The following NDC80 variants were observed in gnomAD, a reference collection of about 807,000 sequenced individuals.
NDC80 encodes NDC80 kinetochore complex component, also known as kinetochore protein NDC80 homolog.
Under a neutral mutation model 89.3 loss-of-function variants are expected in NDC80, and 69 were observed. The ratio of observed to expected loss-of-function variants is 0.77; its 90% CI spans 0.64 to 0.94. The LOEUF (loss-of-function observed/expected upper bound fraction) is 0.94, where lower values mean the gene tolerates loss of function less well. Among genes scored for constraint, NDC80 ranks in the 40% least tolerant of loss-of-function variants. The pLI is 0.00. For synonymous variants in NDC80, 243 were observed against 255.6 expected, an observed-to-expected ratio of 0.95 and a Z score of 0.47; for missense variants, 593 against 739.6, an observed-to-expected ratio of 0.80 and a Z score of 2.30.
At chr18:2,575,280 A>G (rs1428199195) in intron 3 of NDC80, among the ~76,000 whole-genome samples, 2 of 152,214 alleles carry the variant, frequency 1.3e-5, no homozygotes, top group Non-Finnish European at 2.9e-5. Context: ...TTACAAGTAA[A>G]TAGTTGATTG....
At chr18:2,573,545 C>G (rs1369538600) in intron 2 of NDC80, among the ~76,000 whole-genome samples, 1 of 152,126 alleles carries the variant, frequency 6.6e-6, no homozygotes, top group Non-Finnish European at 1.5e-5. Context: ...TCAAGATTTG[C>G]TGGAAAAATA....
chr18:2,589,029 A>G (rs1356437523), intron 8 of NDC80, among the ~76,000 whole-genome samples, 175 bp from the exon 9 acceptor site: 1 of 152,128 alleles, frequency 6.6e-6, no homozygotes, highest in Non-Finnish European at 1.5e-5. Flanking sequence ...GGAGAGTCGA[A>G]GTACGGTGGA....
intron 7 of NDC80, among the ~76,000 whole-genome samples, 155 bp downstream of exon 7, chr18:2,585,357 C>A (rs2072598503): frequency 6.6e-6 from 1 of 152,172 alleles, no homozygotes; most frequent in African/African-American, 2.4e-5. Context: ...TACACTTAAC[C>A]TGCCAAACGT....
chr18:2,596,185 A>G (rs16943532), intron 11 of NDC80, among the ~76,000 whole-genome samples: 11,366 of 152,192 alleles, frequency 0.075, 520 homozygotes, highest in African/African-American at 0.12. Context: ...AATTTCTTAA[A>G]GAGGGAACAA....
chr18:2,589,454 C>G, intron 9 of NDC80, 144 bp downstream of exon 9: 1 of 621,358 alleles, frequency 1.6e-6, no homozygotes. Flanking sequence ...TAGAAACTCC[C>G]AATGAAAACA....
At chr18:2,601,571 C>A in intron 13 of NDC80, 86 bp downstream of exon 13, 2 of 554,162 alleles carry the variant, frequency 3.6e-6, no homozygotes, top group South Asian at 4.2e-5. Context: ...TTTCTGATTG[C>A]TAAGGAATTA....
chr18:2,586,621 T>C (rs543084534), intron 7 of NDC80, among the ~76,000 whole-genome samples: 1 of 152,128 alleles, frequency 6.6e-6, no homozygotes, highest in South Asian at 2.1e-4. Flanking sequence ...TCCCAGCTAC[T>C]TGGGAGGCTG....
chr18:2,608,915 C>A (rs2072728911), intron 15 of NDC80, 85 bp downstream of exon 15: 1 of 1,423,864 alleles, frequency 7.0e-7, no homozygotes, highest in African/African-American at 1.4e-5. Flanking sequence ...TTTTTATTTG[C>A]TTTAATTTAT....
chr18:2,613,618 G>A (rs769399730), intron 16 of NDC80, among the ~76,000 whole-genome samples: 2 of 152,158 alleles, frequency 1.3e-5, no homozygotes, highest in African/African-American at 4.8e-5. Context: ...ATTAATGTGA[G>A]GCTAACTTTT....
At chr18:2,600,600 T>G in intron 12 of NDC80, among the ~76,000 whole-genome samples, 1 of 149,538 alleles carries the variant, frequency 6.7e-6, no homozygotes, top group African/African-American at 2.5e-5. Context: ...AGAGTGAGAT[T>G]CCATCTCAAA....
At chr18:2,576,175 A>G (rs2072545563) in intron 3 of NDC80, among the ~76,000 whole-genome samples, 1 of 152,270 alleles carries the variant, frequency 6.6e-6, no homozygotes. Flanking sequence ...AAGATTAATG[A>G]GAACTCCACA....
intron 6 of NDC80, chr18:2,582,401 A>C (rs1486271782): frequency 6.6e-6 from 1 of 152,196 alleles, no homozygotes; most frequent in Non-Finnish European, 1.5e-5. Context: ...ATATCAAACA[A>C]CATATTTTTT....
intron 6 of NDC80, among the ~76,000 whole-genome samples, chr18:2,584,117 G>A (rs7231645): frequency 0.058 from 8,737 of 151,630 alleles, 842 homozygotes; most frequent in African/African-American, 0.2. Flanking sequence ...GTGAAACCCC[G>A]TCTCTACTGA....
intron 7 of NDC80, among the ~76,000 whole-genome samples, chr18:2,586,526 T>C (rs1183774887): frequency 2.0e-5 from 3 of 152,100 alleles, no homozygotes; most frequent in African/African-American, 7.2e-5. Context: ...GCTCCAGAGT[T>C]CAAGACCAGC....
At chr18:2,573,179 T>C in intron 2 of NDC80, 93 bp downstream of exon 2, 2 of 1,014,144 alleles carry the variant, frequency 2.0e-6, no homozygotes, top group Admixed American at 2.6e-5. Flanking sequence ...GTAATATGAG[T>C]GATGTCTTGG....
At chr18:2,573,352 A>C (rs1290384729) in intron 2 of NDC80, among the ~76,000 whole-genome samples, 2 of 152,100 alleles carry the variant, frequency 1.3e-5, no homozygotes, top group African/African-American at 4.8e-5. Context: ...CTTGTTCAGT[A>C]CTCTCTTATT....
At chr18:2,577,931 A>G in intron 4 of NDC80, 38 bp from the exon 5 acceptor site, 1 of 1,608,932 alleles carries the variant, frequency 6.2e-7, no homozygotes, top group South Asian at 1.1e-5. Flanking sequence ...ATAATTTTCC[A>G]TTACAAAACG....
Position 2,610,744 on chromosome 18 carries a change from G to A in NDC80, c.1689-15G>A, listed in dbSNP as rs754167570. On this transcript the variant is annotated splice_polypyrimidine_tract_variant and intron_variant, in intron 15 of 16. Coordinates refer to ENST00000261597, the MANE Select transcript of NDC80 (RefSeq NM_006101.3). ...TTTTTCCTGGACAACTTAAACAAGA[G>A]TTTTTGTTCTACAGATACCAACTAG... 1.3e-6 allele frequency: 2 copies of A among 1,539,488 alleles called. No homozygotes were observed. The highest frequency in any genetic ancestry group is 2.7e-5 in the African/African-American group (2 of 72,832).
intron 3 of NDC80, among the ~76,000 whole-genome samples, chr18:2,575,404 G>A (rs2143629395): frequency 6.6e-6 from 1 of 152,112 alleles, no homozygotes. Context: ...CTTTGCTTGA[G>A]TCCAGGAGTT....
Sources: gnomAD v4.1 joint callset for allele counts (sites outside exome capture counted in the v4.1 genomes callset) on GRCh38, gnomAD v4.1.1 for gene constraint, MANE v1.5 for transcripts, NCBI Gene and HGNC (gene_info 2026-07-23, HGNC 2026-07-21) for gene names.